Variants in EXOC2 observed in about 807,000 individuals in gnomAD.
The protein encoded by EXOC2 is SEC5-like 1.
In EXOC2, 70 loss-of-function variants were observed where a neutral mutation model predicts 131.8. The observed-to-expected ratio is 0.53, with a 90% CI of 0.44 to 0.65. The LOEUF (loss-of-function observed/expected upper bound fraction) is 0.65. Ranked by LOEUF, EXOC2 falls within the 30% of genes least tolerant of loss-of-function variation. The pLI, the probability that EXOC2 is intolerant of heterozygous loss-of-function variation, is 0.00. For synonymous variants in EXOC2, 411 were observed against 398.4 expected, an observed-to-expected ratio of 1.03 and a Z score of -0.38; for missense variants, 923 against 1,108.6, an observed-to-expected ratio of 0.83 and a Z score of 2.38.
chr6:485,896 C>G lies in EXOC2; in HGVS notation c.*775G>C, dbSNP rs7765038. 0.99 allele frequency: 150,165 copies of G among 152,378 alleles called. 74,025 individuals are homozygous for G. Among genetic ancestry groups the G allele is most frequent in the East Asian group, 1 (5,188 of 5,188 alleles). The allele number at this position is 152,378 out of a possible 1,614,324, so 9.4% of individuals were successfully genotyped here. ...GTCTGCGACCGCCCCGCCAACACCT[C>G]AGAGTGTAACACAGTGCCCGTTACA... On this transcript the variant is annotated 3_prime_UTR_variant, in exon 28 of 28. Transcript: ENST00000230449.
rs2127460428 is a variant in EXOC2, at chr6:486,611, TAGAG to T, written c.*56_*59del. ...ATACACCAAATACCTTTAGGGTACT[TAGAG>T]AGTGAACAGTCTTATTACGTGTTAT... On this transcript the variant is annotated 3_prime_UTR_variant, in exon 28 of 28. Coordinates refer to ENST00000230449, the MANE Select transcript of EXOC2 (RefSeq NM_018303.6). The T allele has an allele frequency of 5.6e-6, 8 of 1,426,236 alleles. No individual in the cohort carries two copies. The highest frequency in any genetic ancestry group is 2.8e-5 in the African/African-American group (2 of 71,066). The allele number at this position is 1,426,236 out of a possible 1,614,324, so 88.3% of individuals were successfully genotyped here. A position where few individuals can be genotyped will look rare whatever the true frequency, so the allele number is the denominator to read the frequency against.
At chr6:583,398 G>A (rs753159348) in intron 11 of EXOC2, among the ~76,000 whole-genome samples, 2 of 152,112 alleles carry the variant, frequency 1.3e-5, no homozygotes, top group Admixed American at 6.6e-5. Flanking sequence ...ATCACAAATT[G>A]ACAAGGTCCT....
At chr6:638,886 G>A (rs994454033) in intron 1 of EXOC2, among the ~76,000 whole-genome samples, 13 of 152,022 alleles carry the variant, frequency 8.6e-5, no homozygotes, top group African/African-American at 2.2e-4. Context: ...CCGAGATTGC[G>A]CCACTGCACT....
In EXOC2 at chr6:619,435, G is replaced by A. The variant is rs1761172485; in HGVS notation, c.531C>T (p.Asn177=). ...AAWYLIENHS[N]TSFEQLKMAV... ...ACAGTCCCATATCCACTAACCTGGT[G>A]TTTGAGTGATTCTCTATAAGATACC... The change falls in exon 5 of 28, where the codon AAC becomes AAT. Residue 177 remains asparagine, a synonymous_variant. Coordinates refer to ENST00000230449, the MANE Select transcript of EXOC2 (RefSeq NM_018303.6). 1 of 1,612,350 alleles carries A rather than the reference G, an allele frequency of 6.2e-7. No homozygotes were observed. The highest frequency in any genetic ancestry group is 8.5e-7 in the Non-Finnish European group (1 of 1,178,432).
chr6:572,781 C>T (rs1044502544), intron 12 of EXOC2, 137 bp from the exon 13 acceptor site: 5 of 1,083,078 alleles, frequency 4.6e-6, no homozygotes, highest in Admixed American at 2.4e-5. Flanking sequence ...CGTGGACGCT[C>T]GCGGCCCACC....
intron 11 of EXOC2, among the ~76,000 whole-genome samples, chr6:585,549 A>G (rs1759161300): frequency 6.6e-6 from 1 of 152,356 alleles, no homozygotes; most frequent in Admixed American, 6.5e-5. Flanking sequence ...TTTCTCGGAA[A>G]AAGGTAGCTT....
chr6:657,029 T>C (rs1763157849), intron 1 of EXOC2: 1 of 1,170,494 alleles, frequency 8.5e-7, no homozygotes, highest in Non-Finnish European at 1.2e-6. Context: ...TCCGTGGCGC[T>C]GCCCTCCCCG....
At chr6:498,403 T>G (rs1467602077) in intron 24 of EXOC2, among the ~76,000 whole-genome samples, 1 of 152,156 alleles carries the variant, frequency 6.6e-6, no homozygotes, top group East Asian at 1.9e-4. Context: ...GCACCTAAAT[T>G]TGCACTTTGG....
At chr6:582,266 C>G (rs1315416021) in intron 11 of EXOC2, among the ~76,000 whole-genome samples, 3 of 151,784 alleles carry the variant, frequency 2.0e-5, no homozygotes, top group African/African-American at 7.3e-5. Flanking sequence ...AGACTCTATA[C>G]CACAAAAAGG....
intron 13 of EXOC2, among the ~76,000 whole-genome samples, chr6:566,049 A>C (rs544708765): frequency 6.6e-6 from 1 of 152,222 alleles, no homozygotes; most frequent in Non-Finnish European, 1.5e-5. Flanking sequence ...ATATTAAACT[A>C]CGCAGCTTTT....
intron 9 of EXOC2, 102 bp downstream of exon 9, chr6:598,758 A>C (rs1201434564): frequency 2.1e-5 from 19 of 908,712 alleles, no homozygotes; most frequent in Non-Finnish European, 2.9e-5. Flanking sequence ...AGCCTCATAT[A>C]AACAAAAACT....
intron 7 of EXOC2, among the ~76,000 whole-genome samples, chr6:599,999 A>T (rs1760043141): frequency 6.6e-6 from 1 of 152,210 alleles, no homozygotes; most frequent in Non-Finnish European, 1.5e-5. Flanking sequence ...CAACGAAAGG[A>T]GAGAAAAAAG....
At chr6:582,630 T>C (rs1321014188) in intron 11 of EXOC2, among the ~76,000 whole-genome samples, 1 of 38,788 alleles carries the variant, frequency 2.6e-5, no homozygotes. Flanking sequence ...AAGCTGGGGG[T>C]GGGGGTGGGG....
At chr6:619,569 T>C (rs1481132326) in intron 4 of EXOC2, 26 bp from the exon 5 acceptor site, 2 of 1,525,514 alleles carry the variant, frequency 1.3e-6, no homozygotes, top group East Asian at 2.3e-5. Context: ...GTTTAAAATA[T>C]ATTTCAATGG....
At chr6:555,077 A>G in intron 20 of EXOC2, 150 bp downstream of exon 20, 1 of 422,704 alleles carries the variant, frequency 2.4e-6, no homozygotes, top group Non-Finnish European at 4.2e-6. Flanking sequence ...GAAAGAATAT[A>G]GGTCGAATAT....
rs1655102027 is a variant in EXOC2, at chr6:667,198, T to C, written c.-44+25821A>G. Among the ~76,000 whole-genome samples, 2 of 72,188 alleles carry C rather than the reference T, an allele frequency of 2.8e-5. 1 individual carries two copies. The highest frequency in any genetic ancestry group is 7.6e-5 in the African/African-American group (2 of 26,346). 47.4% of individuals were successfully genotyped at this position (72,188 alleles called of 152,430 possible). A position where few individuals can be genotyped will look rare whatever the true frequency, so the allele number is the denominator to read the frequency against. The stretch of plus-strand genomic sequence containing the variant: ...TCCTTTCTTCATGTAGATCTGAGTT[T>C]CTAATCTACATCATTATCACTGTTG... On this transcript the variant is annotated intron_variant, in intron 1 of 27. Transcript: ENST00000230449.
At chr6:530,277 G>T (rs1766000061) in intron 23 of EXOC2, among the ~76,000 whole-genome samples, 1 of 152,166 alleles carries the variant, frequency 6.6e-6, no homozygotes, top group African/African-American at 2.4e-5. Flanking sequence ...GGAGCAACTG[G>T]CACATTTAGA....
chr6:566,460 G>T (rs1028324680), intron 13 of EXOC2, among the ~76,000 whole-genome samples: 13 of 152,314 alleles, frequency 8.5e-5, no homozygotes, highest in African/African-American at 3.1e-4. Context: ...GTGCTGCAGT[G>T]AGGAAGGAGG....
chr6:524,387 C>A (rs1432868918), intron 23 of EXOC2: 2 of 152,038 alleles, frequency 1.3e-5, no homozygotes, highest in African/African-American at 4.8e-5. Context: ...ATAAATAAAA[C>A]AAAAATTTCA....
Sources: gnomAD v4.1 joint callset for allele counts (sites outside exome capture counted in the v4.1 genomes callset) on GRCh38, gnomAD v4.1.1 for gene constraint, MANE v1.5 for transcripts, NCBI Gene and HGNC (gene_info 2026-07-23, HGNC 2026-07-21) for gene names.